ALDH18A1: variants seen among roughly 807,000 people sequenced by gnomAD.
ALDH18A1 encodes the protein aldehyde dehydrogenase 18 family member A1, also known as delta-1-pyrroline-5-carboxylate synthase.
Under a neutral mutation model 88.8 loss-of-function variants are expected in ALDH18A1, and 44 were observed. That is an observed-to-expected ratio of 0.50 (90% CI 0.39 to 0.64). The LOEUF (loss-of-function observed/expected upper bound fraction) is 0.64. ALDH18A1 is among the 30% of genes least tolerant of loss of function. ALDH18A1 has a pLI of 0.00. For missense variants in ALDH18A1, 782 were observed against 1,009.5 expected, an observed-to-expected ratio of 0.77 and a Z score of 3.05; for synonymous variants, 331 against 372.1, an observed-to-expected ratio of 0.89 and a Z score of 1.27.
chr10:95,630,269 G>T (rs150977690), intron 7 of ALDH18A1, among the ~76,000 whole-genome samples: 1,825 of 152,124 alleles, frequency 0.012, 33 homozygotes, highest in African/African-American at 0.04. Context: ...GTGCCACCGT[G>T]CCCAGCTTGA....
chr10:95,648,935 A>T (rs1031074283), intron 2 of ALDH18A1, among the ~76,000 whole-genome samples: 2 of 152,236 alleles, frequency 1.3e-5, no homozygotes, highest in African/African-American at 4.8e-5. Context: ...GGCTAGTTTT[A>T]AAAACCCAGG....
intron 1 of ALDH18A1, among the ~76,000 whole-genome samples, chr10:95,654,991 G>A (rs915870116): frequency 3.9e-5 from 6 of 152,042 alleles, no homozygotes; most frequent in Non-Finnish European, 4.4e-5. Context: ...CATGACTACT[G>A]CTTTTCCCAT....
Position 95,643,072 on chromosome 10 carries a change from C to G in ALDH18A1, c.223G>C (p.Val75Leu). 6.2e-7 allele frequency: 1 copy of G among 1,614,160 alleles called. No individual in the cohort carries two copies. Among genetic ancestry groups the G allele is most frequent in the Non-Finnish European group, 8.5e-7 (1 of 1,180,008 alleles). Residue 75 changes from valine to leucine, a missense_variant, in exon 3 of 18, where the codon GTG becomes CTG. Coordinates refer to ENST00000371224, the MANE Select transcript of ALDH18A1 (RefSeq NM_002860.4). ...GTCACCACGGCACTGCCGAGCTTCA[C>G]CACGATTCTCTTGGCATGCTTCAGC... is the stretch of plus-strand genomic sequence containing the variant. ...SELKHAKRIV[V>L]KLGSAVVTRG...
At chr10:95,643,256 T>A in intron 2 of ALDH18A1, 50 bp from the exon 3 acceptor site, 2 of 1,578,314 alleles carry the variant, frequency 1.3e-6, no homozygotes, top group South Asian at 2.2e-5. Flanking sequence ...CTCAATATAG[T>A]TTTTCAATAA....
intron 12 of ALDH18A1, among the ~76,000 whole-genome samples, chr10:95,619,344 A>G (rs901692876): frequency 6.6e-6 from 1 of 152,092 alleles, no homozygotes; most frequent in South Asian, 2.1e-4. Context: ...AATCAATATC[A>G]TGAAAATGGC....
chr10:95,651,490 G>A (rs1230734238), intron 2 of ALDH18A1, among the ~76,000 whole-genome samples: 3 of 152,306 alleles, frequency 2.0e-5, no homozygotes, highest in South Asian at 2.1e-4. Flanking sequence ...AAAGAAAAGA[G>A]GTTTAACTGG....
At chr10:95,630,091 TA>T (rs201391603) in intron 7 of ALDH18A1, among the ~76,000 whole-genome samples, 1 of 145,826 alleles carries the variant, frequency 6.9e-6, no homozygotes, top group Admixed American at 7.1e-5. Context: ...TAAATTAAAC[TA>T]AAAAAAATAT....
At chr10:95,639,860 T>C (rs2097888044) in intron 3 of ALDH18A1, among the ~76,000 whole-genome samples, 1 of 152,074 alleles carries the variant, frequency 6.6e-6, no homozygotes, top group South Asian at 2.1e-4. Flanking sequence ...TTCCCAATTG[T>C]GTCCTTATGG....
intron 3 of ALDH18A1, among the ~76,000 whole-genome samples, chr10:95,640,221 T>C (rs937311448): frequency 6.1e-5 from 8 of 132,018 alleles, no homozygotes; most frequent in Non-Finnish European, 8.1e-5. Context: ...CCTTTACTCA[T>C]CCATTTTCAA....
intron 7 of ALDH18A1, among the ~76,000 whole-genome samples, chr10:95,632,062 T>C (rs1301720559): frequency 6.6e-6 from 1 of 152,176 alleles, no homozygotes; most frequent in African/African-American, 2.4e-5. Context: ...AAATGAAGTA[T>C]TGATACATGC....
Position 95,625,347 on chromosome 10 carries a change from T to C in ALDH18A1, c.1246+15A>G, listed in dbSNP as rs376382998. On this transcript the variant is annotated intron_variant, in intron 11 of 17. Transcript: ENST00000371224. ...ACCCCTCCACAACATTGACTTTAAATTGCCTGGTCTTTACCCTCTGCCTCC... is the reference window on the plus strand; with the variant it reads ...ACCCCTCCACAACATTGACTTTAAACTGCCTGGTCTTTACCCTCTGCCTCC... 2.2e-5 allele frequency: 36 copies of C among 1,611,422 alleles called. No individual in the cohort carries two copies. Among genetic ancestry groups the C allele is most frequent in the Non-Finnish European group, 3.1e-5 (36 of 1,177,552 alleles).
At chr10:95,628,713 T>C (rs146803841) in intron 7 of ALDH18A1, 539 of 552,376 alleles carry the variant, frequency 9.8e-4, no homozygotes, top group African/African-American at 9.2e-3. Context: ...GCTTAATAAA[T>C]AAATGTTTCC....
intron 15 of ALDH18A1, 50 bp downstream of exon 15, chr10:95,613,692 C>T (rs751305872): frequency 6.2e-7 from 1 of 1,610,546 alleles, no homozygotes; most frequent in East Asian, 2.2e-5. Context: ...GGTCTAATTC[C>T]ACAGGCTTCT....
intron 3 of ALDH18A1, among the ~76,000 whole-genome samples, chr10:95,638,511 C>T (rs1170551119): frequency 6.6e-6 from 1 of 152,182 alleles, no homozygotes; most frequent in Non-Finnish European, 1.5e-5. Context: ...CCTAGTTCCT[C>T]CAAGAAATGA....
Position 95,636,435 on chromosome 10 carries a change from G to A in ALDH18A1, c.558+658C>T, listed in dbSNP as rs148498671. ...AAGAATATAATTCAAAAAAATTCAG[G>A]AGATTTAGGTAAAAATGAAACAATG... On this transcript the variant is annotated intron_variant, in intron 5 of 17. Coordinates refer to ENST00000371224, the MANE Select transcript of ALDH18A1 (RefSeq NM_002860.4). Among the ~76,000 whole-genome samples the A allele has an allele frequency of 7.4e-3, 1,123 of 152,188 alleles. 14 individuals are homozygous for A. Among genetic ancestry groups the A allele is most frequent in the African/African-American group, 0.026 (1,062 of 41,510 alleles).
Position 95,625,447 on chromosome 10 carries a change from T to A in ALDH18A1, c.1161A>T (p.Glu387Asp). 6.2e-7 allele frequency: 1 copy of A among 1,613,700 alleles called. No homozygotes were observed. The highest frequency in any genetic ancestry group is 8.5e-7 in the Non-Finnish European group (1 of 1,179,770). ...LATLEPEQRAEIIHHLADLLT... is the reference protein window; with the variant it reads ...LATLEPEQRADIIHHLADLLT... ...ACAGATCAGCCAGATGATGGATAAT[T>A]TCTGCTCTCTAGAAGAAAGGTACAC... Residue 387 changes from glutamate (E) to aspartate (D), a missense_variant, in exon 11 of 18, where the codon GAA (glutamate) becomes GAT (aspartate). Glu to Asp is a conservative substitution (Grantham distance 45). Coordinates refer to ENST00000371224, the MANE Select transcript of ALDH18A1 (RefSeq NM_002860.4).
Position 95,633,486 on chromosome 10 carries a change from C to A in ALDH18A1, c.717+5G>T. On this transcript the variant is annotated splice_donor_5th_base_variant and intron_variant, in intron 6 of 17. Transcript: ENST00000371224. ...ATGCTAAACCCTTAGAAATACTTTA[C>A]CCACATTTACCCCCTGCAGGTCACT... 1 of 1,614,094 alleles carries A rather than the reference C, an allele frequency of 6.2e-7. No homozygotes were observed. The highest frequency in any genetic ancestry group is 8.5e-7 in the Non-Finnish European group (1 of 1,180,006).
chr10:95,620,405 G>T (rs145607162), intron 12 of ALDH18A1, among the ~76,000 whole-genome samples: 5,119 of 152,210 alleles, frequency 0.034, 118 homozygotes, highest in Non-Finnish European at 0.049. Context: ...CTAGAAATAC[G>T]ATTTGACCCA....
chr10:95,622,421 C>T (rs557418878), intron 11 of ALDH18A1, among the ~76,000 whole-genome samples: 1 of 152,082 alleles, frequency 6.6e-6, no homozygotes, highest in African/African-American at 2.4e-5. Flanking sequence ...AGGCTGGTCT[C>T]GAACTCCTGG....
Sources: gnomAD v4.1 joint callset for allele counts (sites outside exome capture counted in the v4.1 genomes callset) on GRCh38, gnomAD v4.1.1 for gene constraint, MANE v1.5 for transcripts, NCBI Gene and HGNC (gene_info 2026-07-23, HGNC 2026-07-21) for gene names.